The following MTMR7 variants were observed in gnomAD, a reference collection of about 807,000 sequenced individuals.
The protein encoded by MTMR7 is myotubularin related protein 7, also known as phosphatidylinositol-3-phosphate phosphatase MTMR7.
A neutral mutation model predicts 81.2 loss-of-function variants in MTMR7; 76 were observed. The ratio of observed to expected loss-of-function variants is 0.94; its 90% confidence interval spans 0.78 to 1.13. The LOEUF is 1.13. Among genes scored for constraint, MTMR7 ranks in the 50% most tolerant of loss-of-function variants. The probability of loss-of-function intolerance (pLI) is 0.00; values close to 1 mark genes in which losing one functional copy is unlikely to be tolerated. For synonymous variants in MTMR7, 372 were observed against 289.8 expected, an observed-to-expected ratio of 1.28 and a Z score of -2.88; for missense variants, 1,044 against 820.0, an observed-to-expected ratio of 1.27 and a Z score of -3.34.
chr8:17,304,225 T>C (rs1471114757), intron 12 of MTMR7, among the ~76,000 whole-genome samples, 154 bp downstream of exon 12: 10 of 152,274 alleles, frequency 6.6e-5, no homozygotes, highest in African/African-American at 2.4e-4. Context: ...CTGGCAAAAA[T>C]ACCAGATCAG....
intron 4 of MTMR7, among the ~76,000 whole-genome samples, chr8:17,356,879 T>C (rs949796911): frequency 3.3e-5 from 5 of 152,116 alleles, no homozygotes; most frequent in Non-Finnish European, 5.9e-5. Flanking sequence ...AGAACTCATA[T>C]CTTGCAAGCA....
chr8:17,338,282 A>G (rs746469410), intron 6 of MTMR7, among the ~76,000 whole-genome samples: 1 of 152,304 alleles, frequency 6.6e-6, no homozygotes, highest in South Asian at 2.1e-4. Context: ...AATCCTTTGG[A>G]TTAACTTATT....
intron 1 of MTMR7, among the ~76,000 whole-genome samples, chr8:17,397,880 A>C (rs947880114): frequency 6.6e-6 from 1 of 152,190 alleles, no homozygotes; most frequent in Non-Finnish European, 1.5e-5. Flanking sequence ...CAAAGAGAGA[A>C]TACATTTGTT....
At chr8:17,337,691 G>C (rs1586216276) in intron 6 of MTMR7, among the ~76,000 whole-genome samples, 1 of 131,052 alleles carries the variant, frequency 7.6e-6, no homozygotes, top group Non-Finnish European at 1.5e-5. Context: ...TCACAGGTCA[G>C]TGCAGCCTCA....
chr8:17,382,606 T>C (rs573541860), intron 1 of MTMR7, among the ~76,000 whole-genome samples: 123 of 152,336 alleles, frequency 8.1e-4, no homozygotes, highest in African/African-American at 2.8e-3. Flanking sequence ...ATCTTTAATG[T>C]TGATATTCAC....
intron 1 of MTMR7, among the ~76,000 whole-genome samples, chr8:17,410,274 G>A (rs1370063082): frequency 6.6e-6 from 1 of 152,062 alleles, no homozygotes; most frequent in East Asian, 1.9e-4. Flanking sequence ...TACACATGTG[G>A]GAAAAATGCC....
intron 3 of MTMR7, among the ~76,000 whole-genome samples, chr8:17,369,648 T>C (rs1024669153): frequency 5.7e-4 from 73 of 129,016 alleles, no homozygotes; most frequent in Middle Eastern, 7.8e-3. Context: ...TTTCTTTTTT[T>C]TTTTTTTTTT....
At position 17,370,996 on chromosome 8, in the gene MTMR7, A is replaced by G. The variant is rs140170965; in HGVS notation, c.310+41T>C. 2.0e-5 allele frequency: 32 copies of G among 1,588,024 alleles called. No individual in the cohort carries two copies. The African/African-American group carries it at 4.1e-4, about 20-fold the overall frequency. Reference sequence around the variant, plus strand: ...TCTTGAATCTGATTTGCAAATTTTTAAGAGAGGTTCCATATTAAATGCCGA... The same window carrying G: ...TCTTGAATCTGATTTGCAAATTTTTGAGAGAGGTTCCATATTAAATGCCGA... On this transcript the variant is annotated intron_variant, in intron 3 of 13. Transcript: ENST00000180173.
At chr8:17,315,391 C>T (rs34694303) in intron 7 of MTMR7, among the ~76,000 whole-genome samples, 24,618 of 138,346 alleles carry the variant, frequency 0.18, 2,644 homozygotes, top group Non-Finnish European at 0.25. Context: ...CAGAAAACTA[C>T]GACAGTGGTT....
At chr8:17,315,258 TATG>T (rs1818002373) in intron 7 of MTMR7, among the ~76,000 whole-genome samples, 1 of 152,186 alleles carries the variant, frequency 6.6e-6, no homozygotes, top group Non-Finnish European at 1.5e-5. Context: ...CTACATATTA[TATG>T]ATGTCAACTA....
At chr8:17,398,812 A>C (rs978570120) in intron 1 of MTMR7, among the ~76,000 whole-genome samples, 2 of 150,666 alleles carry the variant, frequency 1.3e-5, no homozygotes, top group Admixed American at 6.6e-5. Context: ...AAAAAAGTTA[A>C]AAAGAAGGGG....
intron 1 of MTMR7, among the ~76,000 whole-genome samples, chr8:17,399,951 T>C (rs1821374467): frequency 6.6e-6 from 1 of 152,082 alleles, no homozygotes; most frequent in South Asian, 2.1e-4. Flanking sequence ...TGAGATTAAA[T>C]TTCTCAGGTA....
At chr8:17,371,230 A>C in intron 2 of MTMR7, 31 bp from the exon 3 acceptor site, 1 of 1,603,978 alleles carries the variant, frequency 6.2e-7, no homozygotes, top group Non-Finnish European at 8.5e-7. Context: ...GCATAAGCTA[A>C]GCACAAATAA....
chr8:17,333,713 T>C (rs1041552031), intron 6 of MTMR7, among the ~76,000 whole-genome samples: 1 of 151,812 alleles, frequency 6.6e-6, no homozygotes, highest in Non-Finnish European at 1.5e-5. Context: ...TAGCCAGACA[T>C]GGTGGCATGT....
intron 1 of MTMR7, among the ~76,000 whole-genome samples, chr8:17,388,132 A>G (rs1417025926): frequency 2.0e-5 from 3 of 152,196 alleles, no homozygotes; most frequent in Non-Finnish European, 4.4e-5. Context: ...ATAAATAAAA[A>G]TTCAGGCACT....
chr8:17,344,965 T>TA (rs557648085), intron 5 of MTMR7, among the ~76,000 whole-genome samples: 6 of 149,970 alleles, frequency 4.0e-5, no homozygotes, highest in South Asian at 4.2e-4. Flanking sequence ...AGTGAAACTT[T>TA]AAAAAAAAAA....
intron 6 of MTMR7, among the ~76,000 whole-genome samples, chr8:17,336,328 C>T (rs1819236097): frequency 6.6e-6 from 1 of 152,132 alleles, no homozygotes; most frequent in Non-Finnish European, 1.5e-5. Flanking sequence ...TCAGGCTCCA[C>T]TGGACCCACA....
chr8:17,383,643 G>C (rs968288690), intron 1 of MTMR7, among the ~76,000 whole-genome samples: 1 of 152,224 alleles, frequency 6.6e-6, no homozygotes, highest in Non-Finnish European at 1.5e-5. Context: ...CAGTTAGAGA[G>C]GAATATGTTT....
chr8:17,338,329 G>A (rs564482748), intron 6 of MTMR7, among the ~76,000 whole-genome samples: 1 of 152,198 alleles, frequency 6.6e-6, no homozygotes, highest in South Asian at 2.1e-4. Context: ...CAGCTGCCAC[G>A]TTTCCTAGAA....
Sources: allele counts gnomAD v4.1 joint callset (sites outside exome capture counted in the v4.1 genomes callset), GRCh38; gene constraint gnomAD v4.1.1; transcripts MANE v1.5; gene names NCBI Gene and HGNC (gene_info 2026-07-23, HGNC 2026-07-21).